The following KIF1C variants were observed in gnomAD, a reference collection of about 807,000 sequenced individuals.
KIF1C encodes kinesin-like protein KIF1C.
In KIF1C, 61 loss-of-function variants were observed where a neutral mutation model predicts 126.5. The ratio of observed to expected loss-of-function variants is 0.48; its 90% CI spans 0.39 to 0.60. KIF1C has a LOEUF of 0.60. KIF1C is among the 20% of genes least tolerant of loss of function. KIF1C has a pLI of 0.00. For synonymous variants in KIF1C, 640 were observed against 580.6 expected, an observed-to-expected ratio of 1.10 and a Z score of -1.47; for missense variants, 1,315 against 1,489.2, an observed-to-expected ratio of 0.88 and a Z score of 1.93.
chr17:5,001,807 C>G (rs891831472), intron 5 of KIF1C, among the ~76,000 whole-genome samples: 1 of 152,234 alleles, frequency 6.6e-6, no homozygotes, highest in African/African-American at 2.4e-5. Flanking sequence ...AGCATAGCAA[C>G]CTGGCACACG....
chr17:5,002,513 C>G lies in KIF1C; in HGVS notation c.479C>G (p.Pro160Arg). ...YCERVRDLLNPKSRGSLRVRE... is the reference protein window; with the variant it reads ...YCERVRDLLNRKSRGSLRVRE... ...GAGCGGGTACGAGACCTCTTGAACCCCAAGAGTCGGGGTTCTCTGCGGGTC... is the reference window on the plus strand; with the variant it reads ...GAGCGGGTACGAGACCTCTTGAACCGCAAGAGTCGGGGTTCTCTGCGGGTC... Residue 160 changes from proline to arginine, a missense_variant, in exon 7 of 23, where the codon CCC (proline) becomes CGC (arginine). Pro to Arg is a moderately radical substitution (Grantham distance 103, BLOSUM62 -2). Transcript: ENST00000320785. 6.2e-7 allele frequency: 1 copy of G among 1,613,254 alleles called. No individual in the cohort carries two copies. Among genetic ancestry groups the G allele is most frequent in the Non-Finnish European group, 8.5e-7 (1 of 1,179,320 alleles).
At position 5,000,806 on chromosome 17, in the gene KIF1C, C is replaced by A. The variant is rs770122689; in HGVS notation, c.141C>A (p.Pro47=). ...ATCCTAAACAGAGCAAGGATGCCCC[C>A]AAAAGCTTCACCTTTGACTACTCCT... The part of the protein sequence containing the change: ...IINPKQSKDA[P]KSFTFDYSYW... Residue 47 remains proline (P), a synonymous_variant, in exon 4 of 23, where the codon CCC becomes CCA. Transcript: ENST00000320785. 1 of 1,614,080 alleles carries A rather than the reference C, an allele frequency of 6.2e-7. No homozygotes were observed. The highest frequency in any genetic ancestry group is 8.5e-7 in the Non-Finnish European group (1 of 1,179,974).
chr17:5,008,365 G>A (rs2143335863), intron 16 of KIF1C, among the ~76,000 whole-genome samples: 1 of 133,350 alleles, frequency 7.5e-6, no homozygotes, highest in East Asian at 2.1e-4. Flanking sequence ...GCAGAGGCCA[G>A]TATACCAGTG....
Position 5,000,291 on chromosome 17 carries a change from T to C in KIF1C, c.45T>C (p.Phe15=), listed in dbSNP as rs2143304348. 3 of 1,590,786 alleles carry C rather than the reference T, an allele frequency of 1.9e-6. No individual in the cohort carries two copies. The highest frequency in any genetic ancestry group is 1.1e-5 in the South Asian group (1 of 87,298). The change falls in exon 3 of 23, where the codon TTT becomes TTC. Residue 15 remains phenylalanine, a synonymous_variant. Transcript: ENST00000320785. ...AAGTGGCAGTGAGGGTTCGGCCCTT[T>C]AACGCCCGTGAGACCAGCCAGGATG... ...SVKVAVRVRP[F]NARETSQDAK... is the part of the protein sequence containing the mutation.
intron 6 of KIF1C, 135 bp from the exon 7 acceptor site, chr17:5,002,329 G>A (rs1974615462): frequency 2.0e-6 from 2 of 990,692 alleles, no homozygotes; most frequent in East Asian, 4.8e-5. Flanking sequence ...GCAGGTCGCT[G>A]AGCTAGCATC....
Position 5,022,280 on chromosome 17 carries a change from G to T in KIF1C, c.2199G>T (p.Arg733Ser). ...RRVYQIPQRR[R>S]LQGKDPRWAT... ...TTTATCAGATCCCCCAGCGACGCAG[G>T]CTGCAGGGCAAAGACCCCCGCTGGG... Residue 733 changes from arginine (R) to serine (S), a missense_variant, in exon 22 of 23, where the codon AGG becomes AGT. Physicochemically the swap from Arg to Ser is moderately radical, Grantham distance 110. Coordinates refer to ENST00000320785, the MANE Select transcript of KIF1C (RefSeq NM_006612.6). The surrounding 1 kb of genome is among the most constrained non-coding windows in gnomAD (Gnocchi z 4.9). The T allele has an allele frequency of 1.9e-6, 3 of 1,613,872 alleles. No individual in the cohort carries two copies. Among genetic ancestry groups the T allele is most frequent in the Non-Finnish European group, 2.5e-6 (3 of 1,179,916 alleles).
chr17:5,022,104 G>T lies in KIF1C; in HGVS notation c.2023G>T (p.Asp675Tyr). ...TCTCTGGCCCCAGTATGCAGACTCG[G>T]ACAGCGGGGATGACTCTGACAAGCG... Reference protein sequence around the residue: ...LEQQRLYADSDSGDDSDKRSC... With the variant: ...LEQQRLYADSYSGDDSDKRSC... Residue 675 changes from aspartate (D) to tyrosine (Y), a missense_variant, in exon 22 of 23, where the codon GAC (aspartate) becomes TAC (tyrosine). This residue lies in a region of KIF1C where 874 missense variants were observed against 1,053.2 expected (regional missense o/e 0.83). Transcript: ENST00000320785. The surrounding 1 kb of genome is among the most constrained non-coding windows in gnomAD (Gnocchi z 4.9). 1 of 1,604,760 alleles carries T rather than the reference G, an allele frequency of 6.2e-7. No individual in the cohort carries two copies. The highest frequency in any genetic ancestry group is 8.5e-7 in the Non-Finnish European group (1 of 1,173,392).
At position 5,028,063 on chromosome 17, in the gene KIF1C, C is replaced by G. The variant is rs141232145; in HGVS notation, c.*3912C>G. 6.6e-6 allele frequency: 1 copy of G among 152,250 alleles called. No individual in the cohort carries two copies. Among genetic ancestry groups the G allele is most frequent in the East Asian group, 1.9e-4 (1 of 5,180 alleles). The allele number at this position is 152,250 out of a possible 1,614,324, so 9.4% of individuals were successfully genotyped here. On this transcript the variant is annotated 3_prime_UTR_variant, in exon 23 of 23. Transcript: ENST00000320785. ...TCCCAGGCATTTCATGAACTTGCGTCTAGTTTCTGTTCCCTCTCAAATTGC... is the reference window on the plus strand; with the variant it reads ...TCCCAGGCATTTCATGAACTTGCGTGTAGTTTCTGTTCCCTCTCAAATTGC...
Position 5,020,178 on chromosome 17 carries a change from A to C in KIF1C, c.1750+99A>C. The stretch of plus-strand genomic sequence containing the variant: ...GGTGCATCCTAGAGGAGGACCCTGA[A>C]ATACATCAGAAATAGCACGGGGATA... On this transcript the variant is annotated intron_variant, in intron 19 of 22. Transcript: ENST00000320785. This position sits in a 1 kb window ranked among gnomAD's most constrained non-coding sequence, Gnocchi z 5.8. 1.1e-6 allele frequency: 1 copy of C among 869,968 alleles called. No individual in the cohort carries two copies. The highest frequency in any genetic ancestry group is 1.9e-6 in the Non-Finnish European group (1 of 526,024). The allele number at this position is 869,968 out of a possible 1,614,324, so 53.9% of individuals were successfully genotyped here.
rs1230041545 is a variant in KIF1C at position 5,001,102 on chromosome 17, G to C, written c.184-120G>C. On this transcript the variant is annotated intron_variant, in intron 4 of 22. Transcript: ENST00000320785. ...GTGGTAAGGACAATGATGAGGGTGG[G>C]AGGGCACACAGGACATTTGGGGAAT... 8 of 1,095,240 alleles carry C rather than the reference G, an allele frequency of 7.3e-6. No homozygotes were observed. In the African/African-American group the frequency reaches 7.7e-5, roughly 11 times the overall value. The allele number at this position is 1,095,240 out of a possible 1,614,324, so 67.8% of individuals were successfully genotyped here. A position where few individuals can be genotyped will look rare whatever the true frequency, so the allele number is the denominator to read the frequency against.
In KIF1C at chr17:5,009,257, G is replaced by A. The variant is rs145320248; in HGVS notation, c.1491+1715G>A. 2.1e-3 allele frequency among the ~76,000 whole-genome samples: 318 copies of A among 151,660 alleles called. 1 individual carries two copies. The highest frequency in any genetic ancestry group is 7.4e-3 in the African/African-American group (305 of 41,382). On this transcript the variant is annotated intron_variant, in intron 16 of 22. Coordinates refer to ENST00000320785, the MANE Select transcript of KIF1C (RefSeq NM_006612.6). ...TGCAACGGTGCAATCTTGGCTGACT[G>A]CAACCTCCGCCTCCTGGGTTCATAC... is the stretch of plus-strand genomic sequence containing the variant.
At position 5,020,118 on chromosome 17, in the gene KIF1C, G is replaced by T; in HGVS notation, c.1750+39G>T. ...CGCAGATTGAGGGTTCTGGGGCGTG[G>T]CTGTGTGTAGGAAGTCTCAAGGGAG... On this transcript the variant is annotated intron_variant, in intron 19 of 22. Coordinates refer to ENST00000320785, the MANE Select transcript of KIF1C (RefSeq NM_006612.6). This position sits in a 1 kb window ranked among gnomAD's most constrained non-coding sequence, Gnocchi z 5.8. The T allele has an allele frequency of 6.7e-7, 1 of 1,495,806 alleles. No individual in the cohort carries two copies. 92.7% of individuals were successfully genotyped at this position (1,495,806 alleles called of 1,614,324 possible).
chr17:5,002,018 T>C (rs762171404), intron 5 of KIF1C, 41 bp from the exon 6 acceptor site: 1 of 1,587,712 alleles, frequency 6.3e-7, no homozygotes, highest in Non-Finnish European at 8.7e-7. Flanking sequence ...AGGTGTGCCC[T>C]GAACAGGAGC....
chr17:5,020,498 G>A lies in KIF1C; in HGVS notation c.1757G>A (p.Arg586Lys). 1 of 1,612,904 alleles carries A rather than the reference G, an allele frequency of 6.2e-7. No homozygotes were observed. The highest frequency in any genetic ancestry group is 8.5e-7 in the Non-Finnish European group (1 of 1,179,314). ...TCCCTCCTCCCATCTCTAGGGAATAGGATTGTGATGGGCAAGAACCACGTT... is the reference window on the plus strand; with the variant it reads ...TCCCTCCTCCCATCTCTAGGGAATAAGATTGTGATGGGCAAGAACCACGTT... ...TEPLVLKSGN[R>K]IVMGKNHVFR... Residue 586 changes from arginine (R) to lysine (K), a missense_variant, in exon 20 of 23, where the codon AGG (arginine) becomes AAG (lysine). By Grantham distance (26) the Arg-to-Lys change is conservative (BLOSUM62 2). Transcript: ENST00000320785. This position sits in a 1 kb window ranked among gnomAD's most constrained non-coding sequence, Gnocchi z 5.8.
intron 13 of KIF1C, among the ~76,000 whole-genome samples, chr17:5,006,515 T>C (rs1354326718): frequency 6.7e-6 from 1 of 148,970 alleles, no homozygotes; most frequent in Non-Finnish European, 1.5e-5. Context: ...TTTTGTATTT[T>C]AGTAGAGACG....
In KIF1C at chr17:5,022,374, C is replaced by G. The variant is rs767797244; in HGVS notation, c.2293C>G (p.Arg765Gly). 1.9e-6 allele frequency: 3 copies of G among 1,582,034 alleles called. No individual in the cohort carries two copies. The South Asian group carries it at 3.4e-5, about 18-fold the overall frequency. ...CTACGAGGTGGCCCTGGCTGACTTCCGCCACGGGCGGGCTGAGATTGAGGC... is the reference window on the plus strand; with the variant it reads ...CTACGAGGTGGCCCTGGCTGACTTCGGCCACGGGCGGGCTGAGATTGAGGC... ...ICYEVALADF[R>G]HGRAEIEALA... Residue 765 changes from arginine (R) to glycine (G), a missense_variant, in exon 22 of 23, where the codon CGC (arginine) becomes GGC (glycine). Coordinates refer to ENST00000320785, the MANE Select transcript of KIF1C (RefSeq NM_006612.6). This position sits in a 1 kb window ranked among gnomAD's most constrained non-coding sequence, Gnocchi z 4.9.
Position 5,023,941 on chromosome 17 carries a change from G to A in KIF1C, c.3102G>A (p.Leu1034=). 6.3e-7 allele frequency: 1 copy of A among 1,575,026 alleles called. No individual in the cohort carries two copies. Among genetic ancestry groups the A allele is most frequent in the East Asian group, 2.3e-5 (1 of 44,362 alleles). The change falls in exon 23 of 23, where the codon CTG becomes CTA. Residue 1034 remains leucine (L), a synonymous_variant. Coordinates refer to ENST00000320785, the MANE Select transcript of KIF1C (RefSeq NM_006612.6). This position sits in a 1 kb window ranked among gnomAD's most constrained non-coding sequence, Gnocchi z 4.2. ...RRSHHPRRNS[L]DGGGRSRGAG... The stretch of plus-strand genomic sequence containing the variant: ...CCCACCATCCCCGCAGGAACTCCCT[G>A]GATGGAGGGGGCCGATCCCGGGGAG...
chr17:5,003,354 C>A (rs1305309159), intron 8 of KIF1C, among the ~76,000 whole-genome samples: 1 of 152,186 alleles, frequency 6.6e-6, no homozygotes, highest in Non-Finnish European at 1.5e-5. Flanking sequence ...GCTGTTCTTA[C>A]GAGACCCAGG....
chr17:5,005,009 T>C lies in KIF1C; in HGVS notation c.1165+9T>C. ...AGCCTCTGCTCTGGAAGGTCGAGGT[T>C]CCAGGGAGGGGCAGCTCAGGGATGC... On this transcript the variant is annotated intron_variant, in intron 13 of 22. Coordinates refer to ENST00000320785, the MANE Select transcript of KIF1C (RefSeq NM_006612.6). 1 of 1,614,130 alleles carries C rather than the reference T, an allele frequency of 6.2e-7. No individual in the cohort carries two copies. The highest frequency in any genetic ancestry group is 8.5e-7 in the Non-Finnish European group (1 of 1,180,006).
Sources: allele counts gnomAD v4.1 joint callset (sites outside exome capture counted in the v4.1 genomes callset), GRCh38; gene constraint gnomAD v4.1.1; regional missense constraint gnomAD v4.1.1; non-coding constraint Gnocchi (gnomAD v3.1); transcripts MANE v1.5; gene names NCBI Gene and HGNC (gene_info 2026-07-23, HGNC 2026-07-21).